Variants in CCDC158 observed in about 807,000 individuals in gnomAD.
CCDC158 encodes the protein coiled-coil domain containing 158.
Under a neutral mutation model 138.6 loss-of-function variants are expected in CCDC158, and 116 were observed. The ratio of observed to expected loss-of-function variants is 0.84; its 90% confidence interval spans 0.72 to 0.98. The LOEUF is 0.98. CCDC158 is among the 50% of genes least tolerant of loss of function. The pLI, the probability that CCDC158 is intolerant of heterozygous loss-of-function variation, is 0.00. For synonymous variants in CCDC158, 436 were observed against 442.4 expected (o/e 0.99, Z 0.18); for missense variants, 1,265 against 1,306.1 (o/e 0.97, Z 0.48).
intron 15 of CCDC158, among the ~76,000 whole-genome samples, chr4:76,354,233 C>CAAAAAAAAAAAAAAA (rs749565764): frequency 3.1e-5 from 2 of 63,936 alleles, no homozygotes; most frequent in Non-Finnish European, 5.8e-5. Flanking sequence ...TTCCCAAAGG[C>CAAAAAAAAAAAAAAA]AAAAAAAAAA....
Position 76,367,332 on chromosome 4 carries a change from C to A in CCDC158, c.1792G>T (p.Glu598Ter), listed in dbSNP as rs1724774503. The change falls in exon 12 of 25, where the codon GAA becomes TAA. Residue 598 changes from glutamate to a stop codon, truncating the protein, a stop_gained. Transcript: ENST00000682701. LOFTEE classifies it high-confidence loss of function. The part of the protein sequence containing the change: ...MQVEKAQLEK[E>*]INDRRMELKE... ...AGTTCCATCCGCCTATCATTAATTT[C>A]TTTCTCCAGTTGAGCTTTTTCTACT... 6 of 1,613,436 alleles carry A rather than the reference C, an allele frequency of 3.7e-6. No homozygotes were observed. The highest frequency in any genetic ancestry group is 5.1e-6 in the Non-Finnish European group (6 of 1,179,492).
At chr4:76,326,048 A>C in intron 22 of CCDC158, 33 bp from the exon 23 acceptor site, 9 of 1,571,972 alleles carry the variant, frequency 5.7e-6, no homozygotes, top group Non-Finnish European at 7.8e-6. Context: ...GTAAAAGGAC[A>C]GAATTAATTA....
In CCDC158 at chr4:76,325,964, T is replaced by C; in HGVS notation, c.3062A>G (p.Lys1021Arg). 6.2e-7 allele frequency: 1 copy of C among 1,613,560 alleles called. No homozygotes were observed. The highest frequency in any genetic ancestry group is 8.5e-7 in the Non-Finnish European group (1 of 1,179,640). Reference protein sequence around the residue: ...SASRSFNSSPKKSPVHSLLTS... With the variant: ...SASRSFNSSPRKSPVHSLLTS... Reference sequence around the variant, plus strand: ...TAGGAGTGAGTGCACTGGAGACTTCTTAGGAGAAGAATTGAATGAACGAGA... The same window carrying C: ...TAGGAGTGAGTGCACTGGAGACTTCCTAGGAGAAGAATTGAATGAACGAGA... Residue 1021 changes from lysine to arginine, a missense_variant, in exon 23 of 25, where the codon AAG becomes AGG. Transcript: ENST00000682701.
intron 1 of CCDC158, among the ~76,000 whole-genome samples, chr4:76,415,160 G>A (rs561439002): frequency 1.3e-5 from 2 of 152,182 alleles, no homozygotes; most frequent in Non-Finnish European, 2.9e-5. Flanking sequence ...TTTAAGCATA[G>A]TAAACTCTTG....
chr4:76,411,920 A>T (rs768409905), intron 2 of CCDC158, among the ~76,000 whole-genome samples, 170 bp downstream of exon 2: 1 of 152,214 alleles, frequency 6.6e-6, no homozygotes, highest in Non-Finnish European at 1.5e-5. Flanking sequence ...AAGCTCTTGC[A>T]GCTTTTATAT....
intron 1 of CCDC158, among the ~76,000 whole-genome samples, chr4:76,413,279 G>A (rs13434888): frequency 0.029 from 4,440 of 151,882 alleles, 218 homozygotes; most frequent in African/African-American, 0.1. Context: ...TTTGAGACCA[G>A]CCTGGACAAT....
At chr4:76,375,734 G>A (rs1268384917) in intron 9 of CCDC158, 1 of 639,090 alleles carries the variant, frequency 1.6e-6, no homozygotes, top group Non-Finnish European at 2.8e-6. Flanking sequence ...ATAGAAAACA[G>A]CATTACAGTA....
upstream of CCDC158, chr4:76,421,667 G>A (rs1224483458): frequency 6.9e-6 from 1 of 145,674 alleles, no homozygotes; most frequent in Admixed American, 6.9e-5. Flanking sequence ...CCCCCACCCG[G>A]CCCCACCTCA....
chr4:76,320,400 C>T (rs1324284836), intron 24 of CCDC158, among the ~76,000 whole-genome samples: 4 of 152,094 alleles, frequency 2.6e-5, no homozygotes, highest in African/African-American at 9.7e-5. Context: ...CAATTCCCAT[C>T]AAAATACCAT....
rs372923541 is a variant in CCDC158, at chr4:76,384,219, C to T, written c.595G>A (p.Ala199Thr). The T allele has an allele frequency of 6.2e-7, 1 of 1,613,390 alleles. No individual in the cohort carries two copies. The highest frequency in any genetic ancestry group is 1.1e-5 in the South Asian group (1 of 90,964). ...IRSILVDFEEASGKKICEHDS... is the reference protein window; with the variant it reads ...IRSILVDFEETSGKKICEHDS... ...TGTTCACATATTTTTTTGCCTGAGG[C>T]TTCTTCAAAGTCAACTAGGATTGAC... The change falls in exon 6 of 25, where the codon GCC (alanine) becomes ACC (threonine). Residue 199 changes from alanine to threonine, a missense_variant. Coordinates refer to ENST00000682701, the MANE Select transcript of CCDC158 (RefSeq NM_001394954.1).
intron 7 of CCDC158, among the ~76,000 whole-genome samples, chr4:76,383,090 C>T (rs1171097589): frequency 6.6e-6 from 1 of 152,166 alleles, no homozygotes; most frequent in African/African-American, 2.4e-5. Context: ...TACATTAGCT[C>T]TGGTCAGGTT....
intron 18 of CCDC158, among the ~76,000 whole-genome samples, chr4:76,346,081 C>T (rs766906521): frequency 8.5e-5 from 13 of 152,076 alleles, no homozygotes; most frequent in African/African-American, 1.7e-4. Flanking sequence ...TCAGAAATAA[C>T]GCCACACATC....
chr4:76,341,143 T>G (rs1259190251), intron 18 of CCDC158, among the ~76,000 whole-genome samples: 1 of 152,190 alleles, frequency 6.6e-6, no homozygotes, highest in Non-Finnish European at 1.5e-5. Flanking sequence ...ATATCTTTAA[T>G]GTACTTCTAT....
chr4:76,415,878 G>A (rs915597635), intron 1 of CCDC158, among the ~76,000 whole-genome samples: 2 of 152,154 alleles, frequency 1.3e-5, no homozygotes, highest in Non-Finnish European at 1.5e-5. Context: ...TTAGCAGACC[G>A]GGAAAGGGAG....
chr4:76,384,654 C>A lies in CCDC158; in HGVS notation c.300G>T (p.Leu100Phe). The change falls in exon 5 of 25, where the codon TTG becomes TTT. Residue 100 changes from leucine to phenylalanine, a missense_variant. Physicochemically the swap from Leu to Phe is conservative, Grantham distance 22. Coordinates refer to ENST00000682701, the MANE Select transcript of CCDC158 (RefSeq NM_001394954.1). ...TCAAATAAAACTTTTGTTTCTCATG[C>A]AATTCATTGCTCTGAAAAAAAAAGC... ...LQRRLNESNE[L>F]HEKQKFYLRQ... The A allele has an allele frequency of 1.9e-6, 3 of 1,609,526 alleles. No homozygotes were observed. Among genetic ancestry groups the A allele is most frequent in the African/African-American group, 1.3e-5 (1 of 74,836 alleles).
At chr4:76,359,220 T>C (rs1723887985) in intron 13 of CCDC158, among the ~76,000 whole-genome samples, 1 of 152,192 alleles carries the variant, frequency 6.6e-6, no homozygotes, top group Admixed American at 6.5e-5. Flanking sequence ...TGCAGAACTG[T>C]GAGTCAATTA....
chr4:76,359,248 A>C (rs1387536628), intron 13 of CCDC158, among the ~76,000 whole-genome samples: 1 of 152,176 alleles, frequency 6.6e-6, no homozygotes, highest in Non-Finnish European at 1.5e-5. Flanking sequence ...TTTCTTCACA[A>C]ATTACTCATT....
chr4:76,378,447 C>G (rs910535048), intron 9 of CCDC158, among the ~76,000 whole-genome samples: 1 of 152,102 alleles, frequency 6.6e-6, no homozygotes, highest in African/African-American at 2.4e-5. Context: ...GCTTGGCTGT[C>G]TAAGGGTCTC....
At chr4:76,381,154 A>G (rs1418172885) in intron 8 of CCDC158, among the ~76,000 whole-genome samples, 1 of 152,232 alleles carries the variant, frequency 6.6e-6, no homozygotes, top group Non-Finnish European at 1.5e-5. Context: ...GAACCCCCAC[A>G]CAGAGTCCCC....
Sources: gnomAD v4.1 joint callset for allele counts (sites outside exome capture counted in the v4.1 genomes callset) on GRCh38, gnomAD v4.1.1 for gene constraint, MANE v1.5 for transcripts, NCBI Gene and HGNC (gene_info 2026-07-23, HGNC 2026-07-21) for gene names.